The following RAB27A variants were observed in gnomAD, a reference collection of about 807,000 sequenced individuals.
RAB27A encodes ras-related protein Rab-27A.
A neutral mutation model predicts 20.8 loss-of-function variants in RAB27A; 17 were observed. The observed-to-expected ratio is 0.82, with a 90% CI of 0.56 to 1.23. The LOEUF is 1.23. RAB27A is among the 50% of genes most tolerant of loss of function. The pLI, the probability that RAB27A is intolerant of heterozygous loss-of-function variation, is 0.00. For synonymous variants in RAB27A, 85 were observed against 92.8 expected, an observed-to-expected ratio of 0.92 and a Z score of 0.48; for missense variants, 277 against 266.7, an observed-to-expected ratio of 1.04 and a Z score of -0.27.
At chr15:55,291,574 A>T (rs1010049180), upstream of RAB27A, among the ~76,000 whole-genome samples, 3 of 149,452 alleles carry the variant, frequency 2.0e-5, no homozygotes, top group African/African-American at 7.3e-5. Context: ...TCATGTCCAG[A>T]GGAATAGTCC....
chr15:55,256,771 A>G (rs58228361), intron 2 of RAB27A, among the ~76,000 whole-genome samples: 53,739 of 152,138 alleles, frequency 0.35, 10,801 homozygotes, highest in East Asian at 0.79. Context: ...ATAGGTCACC[A>G]TCCCTCTGCA....
At chr15:55,303,798 G>GC (rs1276564824) in intron 2 of RAB27A, among the ~76,000 whole-genome samples, 8 of 125,002 alleles carry the variant, frequency 6.4e-5, no homozygotes, top group South Asian at 5.6e-4. Context: ...GGGGGGGTCA[G>GC]CCCCCCGCCC....
Position 55,223,979 on chromosome 15 carries a change from G to A in RAB27A, c.377C>T (p.Pro126Leu), listed in dbSNP as rs1219246621. 1 of 1,604,846 alleles carries A rather than the reference G, an allele frequency of 6.2e-7. No individual in the cohort carries two copies. The highest frequency in any genetic ancestry group is 2.2e-5 in the East Asian group (1 of 44,842). ...QLQMHAYCEN[P>L]DIVLCGNKSD... ...CTTGTTTCCACACAGCACTATATCTGGGTTTTCACAATATGCATGCATCTG... is the reference window on the plus strand; with the variant it reads ...CTTGTTTCCACACAGCACTATATCTAGGTTTTCACAATATGCATGCATCTG... Residue 126 changes from proline to leucine, a missense_variant, in exon 6 of 7, where the codon CCA becomes CTA. Transcript: ENST00000336787.
At chr15:55,271,388 C>A (rs1025966852) in intron 1 of RAB27A, among the ~76,000 whole-genome samples, 1 of 152,180 alleles carries the variant, frequency 6.6e-6, no homozygotes, top group Non-Finnish European at 1.5e-5. Flanking sequence ...TTGGGCCCAC[C>A]CAGCTGAATC....
intron 4 of RAB27A, 86 bp downstream of exon 4, chr15:55,230,315 C>T: frequency 7.5e-7 from 1 of 1,336,016 alleles, no homozygotes; most frequent in Non-Finnish European, 1.1e-6. Flanking sequence ...AATTGGCTGG[C>T]TTTTTCCTGC....
At chr15:55,295,485 C>A (rs1437527427) in intron 2 of RAB27A, among the ~76,000 whole-genome samples, 1 of 152,262 alleles carries the variant, frequency 6.6e-6, no homozygotes, top group East Asian at 1.9e-4. Context: ...AAATGTGGCA[C>A]ATCCATATAA....
intron 2 of RAB27A, among the ~76,000 whole-genome samples, chr15:55,296,661 A>G (rs2054950743): frequency 6.6e-6 from 1 of 151,854 alleles, no homozygotes; most frequent in East Asian, 2.0e-4. Flanking sequence ...TTTATTTTTA[A>G]TTAGACTATA....
intron 2 of RAB27A, among the ~76,000 whole-genome samples, chr15:55,238,679 C>T (rs1227906740): frequency 6.6e-6 from 1 of 152,112 alleles, no homozygotes; most frequent in Non-Finnish European, 1.5e-5. Flanking sequence ...TGACTCTGGC[C>T]AGCTTAAAAC....
intron 6 of RAB27A, among the ~76,000 whole-genome samples, chr15:55,219,412 C>G (rs1026837998): frequency 6.6e-6 from 1 of 152,226 alleles, no homozygotes; most frequent in Non-Finnish European, 1.5e-5. Context: ...AAAATATCTG[C>G]TAGCATGCTC....
At chr15:55,221,909 A>G (rs1895589679) in intron 6 of RAB27A, among the ~76,000 whole-genome samples, 1 of 152,086 alleles carries the variant, frequency 6.6e-6, no homozygotes, top group African/African-American at 2.4e-5. Context: ...TTAGTCCCTC[A>G]TTATGGGCAC....
intron 1 of RAB27A, among the ~76,000 whole-genome samples, chr15:55,283,388 T>C (rs1898067290): frequency 6.6e-6 from 1 of 152,126 alleles, no homozygotes; most frequent in South Asian, 2.1e-4. Flanking sequence ...CCTGACTGTG[T>C]TGATTCTTCC....
chr15:55,303,794 G>A (rs2054985705), intron 2 of RAB27A, among the ~76,000 whole-genome samples: 1 of 126,420 alleles, frequency 7.9e-6, no homozygotes, highest in Admixed American at 7.4e-5. Context: ...AGGTGGGGGG[G>A]TCAGCCCCCC....
intron 2 of RAB27A, among the ~76,000 whole-genome samples, chr15:55,256,281 G>A (rs1897076248): frequency 6.6e-6 from 1 of 152,132 alleles, no homozygotes; most frequent in Admixed American, 6.5e-5. Flanking sequence ...AGGTGAGGTG[G>A]CCTGTGCCAG....
chr15:55,220,672 A>G (rs1425793186), intron 6 of RAB27A, among the ~76,000 whole-genome samples: 2 of 152,256 alleles, frequency 1.3e-5, no homozygotes, highest in African/African-American at 4.8e-5. Context: ...GATATGCCAT[A>G]AACTTTATCC....
At chr15:55,290,353 G>C (rs1898278287), upstream of RAB27A, 1 of 152,220 alleles carries the variant, frequency 6.6e-6, no homozygotes, top group Non-Finnish European at 1.5e-5. Flanking sequence ...GGCTTAGGTC[G>C]GCCTGGACAC....
At chr15:55,267,133 T>C (rs1897522656) in intron 2 of RAB27A, among the ~76,000 whole-genome samples, 1 of 152,178 alleles carries the variant, frequency 6.6e-6, no homozygotes, top group African/African-American at 2.4e-5. Flanking sequence ...GTCTGGGCCT[T>C]CTCCGTGTGA....
chr15:55,282,793 G>T (rs767025834), intron 1 of RAB27A, among the ~76,000 whole-genome samples: 1 of 151,946 alleles, frequency 6.6e-6, no homozygotes, highest in Non-Finnish European at 1.5e-5. Context: ...GTTCCCAAAG[G>T]GTCCACTCCT....
At chr15:55,271,285 G>A (rs905168182) in intron 1 of RAB27A, among the ~76,000 whole-genome samples, 11 of 152,182 alleles carry the variant, frequency 7.2e-5, no homozygotes, top group African/African-American at 2.2e-4. Context: ...CCATCAGTAC[G>A]TTTTATAATT....
intron 6 of RAB27A, among the ~76,000 whole-genome samples, chr15:55,222,486 T>C (rs1412922864): frequency 6.6e-6 from 1 of 152,136 alleles, no homozygotes; most frequent in African/African-American, 2.4e-5. Flanking sequence ...GATCTGGAAA[T>C]GTAAACATAA....
Sources: gnomAD v4.1 joint callset for allele counts (sites outside exome capture counted in the v4.1 genomes callset) on GRCh38, gnomAD v4.1.1 for gene constraint, MANE v1.5 for transcripts, NCBI Gene and HGNC (gene_info 2026-07-23, HGNC 2026-07-21) for gene names.